EIF3B: variants seen among roughly 807,000 people sequenced by gnomAD.
EIF3B encodes eukaryotic translation initiation factor 3 subunit 9.
A neutral mutation model predicts 104.6 loss-of-function variants in EIF3B; 10 were observed. The observed-to-expected ratio is 0.10, with a 90% CI of 0.06 to 0.16. EIF3B has a LOEUF of 0.16. Among genes scored for constraint, EIF3B ranks in the 10% least tolerant of loss-of-function variants. EIF3B has a pLI of 1.00. For synonymous variants in EIF3B, 542 were observed against 417.2 expected, an observed-to-expected ratio of 1.30 and a Z score of -3.65; for missense variants, 1,014 against 1,087.9, an observed-to-expected ratio of 0.93 and a Z score of 0.96.
intron 11 of EIF3B, chr7:2,372,302 A>G (rs1042413224): frequency 4.2e-6 from 1 of 236,870 alleles, no homozygotes; most frequent in Non-Finnish European, 8.3e-6. Flanking sequence ...AGGTGAGAAA[A>G]TGGGAAACAT....
chr7:2,368,579 C>T (rs112311272), intron 9 of EIF3B, among the ~76,000 whole-genome samples: 2,212 of 152,322 alleles, frequency 0.015, 44 homozygotes, highest in African/African-American at 0.046. Flanking sequence ...AATGAATTTT[C>T]AAGGCCAGAG....
chr7:2,355,524 C>T (rs1779367331), intron 1 of EIF3B, 104 bp downstream of exon 1: 8 of 1,367,990 alleles, frequency 5.8e-6, no homozygotes, highest in Non-Finnish European at 7.6e-6. Flanking sequence ...TGCAGAAGTT[C>T]CAGCGAGGGT....
At position 2,369,661 on chromosome 7, in the gene EIF3B, T is replaced by C. The variant is rs1218866417; in HGVS notation, c.1593T>C (p.Asp531=). The change falls in exon 10 of 19, where the codon GAT becomes GAC. Residue 531 remains aspartate, a synonymous_variant. Coordinates refer to ENST00000360876, the MANE Select transcript of EIF3B (RefSeq NM_001037283.2). The part of the protein sequence containing the change: ...KNGDYLCVKV[D]RTPKGTQGVV... ...GAGACTACTTGTGTGTGAAAGTAGA[T>C]AGGACTCCGAAAGGCACCCAGGTAT... The C allele has an allele frequency of 2.5e-6, 4 of 1,613,758 alleles. No homozygotes were observed. The highest frequency in any genetic ancestry group is 3.3e-5 in the Admixed American group (2 of 59,950).
chr7:2,369,908 C>T (rs1435205700), intron 10 of EIF3B, among the ~76,000 whole-genome samples: 1 of 149,172 alleles, frequency 6.7e-6, no homozygotes, highest in African/African-American at 2.5e-5. Context: ...TCCCAAGTAG[C>T]TGGGACTATA....
At chr7:2,366,221 G>C in intron 6 of EIF3B, 96 bp from the exon 7 acceptor site, 1 of 1,359,446 alleles carries the variant, frequency 7.4e-7, no homozygotes, top group Non-Finnish European at 1.0e-6. Context: ...GAGAGAGCTG[G>C]TTCCGCGAGT....
intron 6 of EIF3B, among the ~76,000 whole-genome samples, 184 bp from the exon 7 acceptor site, chr7:2,366,133 T>C (rs1780014718): frequency 6.6e-6 from 1 of 152,136 alleles, no homozygotes; most frequent in East Asian, 1.9e-4. Context: ...CTGCAGCGTA[T>C]TGACACCAGA....
intron 17 of EIF3B, 33 bp downstream of exon 17, chr7:2,379,275 G>T: frequency 6.3e-7 from 1 of 1,593,384 alleles, no homozygotes. Flanking sequence ...CCCAGGAGCT[G>T]GCCCTTACGC....
At chr7:2,363,844 C>A in intron 5 of EIF3B, 84 bp downstream of exon 5, 1 of 1,471,350 alleles carries the variant, frequency 6.8e-7, no homozygotes, top group Non-Finnish European at 9.1e-7. Flanking sequence ...TATCAGAAAA[C>A]TGGAAGAGCA....
intron 2 of EIF3B, among the ~76,000 whole-genome samples, chr7:2,362,219 C>G (rs1779769120): frequency 1.3e-5 from 2 of 152,180 alleles, no homozygotes; most frequent in Admixed American, 6.5e-5. Flanking sequence ...CTTGGCCTCC[C>G]AAAGTGCTGG....
intron 1 of EIF3B, among the ~76,000 whole-genome samples, chr7:2,356,547 G>A (rs1332638274): frequency 6.7e-6 from 1 of 149,348 alleles, no homozygotes; most frequent in Non-Finnish European, 1.5e-5. Context: ...AGCTTGCAGT[G>A]AGCCGAGATC....
Position 2,379,238 on chromosome 7 carries a change from A to C in EIF3B, c.2337A>C (p.Arg779=), listed in dbSNP as rs777660472. 1.2e-6 allele frequency: 2 copies of C among 1,611,432 alleles called. No individual in the cohort carries two copies. Among genetic ancestry groups the C allele is most frequent in the Admixed American group, 3.4e-5 (2 of 59,698 alleles). Residue 779 remains arginine, a synonymous_variant, in exon 17 of 19, where the codon CGA becomes CGC. Transcript: ENST00000360876. ...AGAAAAACGAGCGCCTGGAGTTGCGAGGAGGTAACTTAGAGATCCCTCAGT... is the reference window on the plus strand; with the variant it reads ...AGAAAAACGAGCGCCTGGAGTTGCGCGGAGGTAACTTAGAGATCCCTCAGT... The part of the protein sequence containing the change: ...MEQKNERLEL[R]GGVDTDELDS...
chr7:2,358,729 A>T (rs1028653214), intron 1 of EIF3B, among the ~76,000 whole-genome samples: 1 of 147,762 alleles, frequency 6.8e-6, no homozygotes, highest in Non-Finnish European at 1.5e-5. Context: ...AGGTTTCACC[A>T]TGTTGGCCAG....
In EIF3B at chr7:2,359,142, TC is replaced by T. The variant is rs1336819504; in HGVS notation, c.500-1567del. Among the ~76,000 whole-genome samples, 4 of 152,200 alleles carry T rather than the reference TC, an allele frequency of 2.6e-5. No individual in the cohort carries two copies. The East Asian group carries it at 5.8e-4, about 22-fold the overall frequency. On this transcript the variant is annotated intron_variant, in intron 1 of 18. Coordinates refer to ENST00000360876, the MANE Select transcript of EIF3B (RefSeq NM_001037283.2). ...CCGGTCTCTGCCCTGATAGTGTTTTTCAAAAAGGCTCTTTGTGATATAATTA... is the reference window on the plus strand; with the variant it reads ...CCGGTCTCTGCCCTGATAGTGTTTTTAAAAAGGCTCTTTGTGATATAATTA...
In EIF3B at chr7:2,362,581, C is replaced by T. The variant is rs1009010642; in HGVS notation, c.693-64C>T. 4.1e-5 allele frequency: 66 copies of T among 1,593,702 alleles called. No homozygotes were observed. In the African/African-American group the frequency reaches 5.5e-4, roughly 13 times the overall value. On this transcript the variant is annotated intron_variant, in intron 2 of 18. Coordinates refer to ENST00000360876, the MANE Select transcript of EIF3B (RefSeq NM_001037283.2). ...GGCTTGTCCGTGGAGAGGGGTGGGG[C>T]GGACAGCGCATACCTGCCTAGCCTT... is the stretch of plus-strand genomic sequence containing the variant.
chr7:2,380,125 C>T, intron 18 of EIF3B, 79 bp from the exon 19 acceptor site: 1 of 319,192 alleles, frequency 3.1e-6, no homozygotes, highest in Non-Finnish European at 6.2e-6. Flanking sequence ...GACTCAACGT[C>T]AGCCCCAAGG....
chr7:2,371,951 A>C, intron 11 of EIF3B, 102 bp downstream of exon 11: 1 of 921,656 alleles, frequency 1.1e-6, no homozygotes, highest in South Asian at 1.4e-5. Flanking sequence ...CAGCTGAGTC[A>C]GGACTGTGAG....
At chr7:2,366,198 T>C (rs1780019205) in intron 6 of EIF3B, 119 bp from the exon 7 acceptor site, 3 of 1,057,770 alleles carry the variant, frequency 2.8e-6, no homozygotes, top group Non-Finnish European at 4.1e-6. Context: ...GGCCGGGCAG[T>C]GTGGGGTTTG....
chr7:2,363,164 G>T, intron 4 of EIF3B, 37 bp downstream of exon 4: 1 of 1,605,598 alleles, frequency 6.2e-7, no homozygotes. Context: ...GTGGTTTAAA[G>T]AAATGCTGCT....
chr7:2,379,422 C>T lies in EIF3B; in HGVS notation c.2370C>T (p.Asn790=), dbSNP rs748790204. 5.0e-6 allele frequency: 8 copies of T among 1,593,596 alleles called. No homozygotes were observed. Among genetic ancestry groups the T allele is most frequent in the East Asian group, 2.3e-5 (1 of 44,222 alleles). Reference sequence around the variant, plus strand: ...TGGACACTGACGAGCTGGACAGCAACGTGGACGACTGGGAAGAGGAGACCA... The same window carrying T: ...TGGACACTGACGAGCTGGACAGCAATGTGGACGACTGGGAAGAGGAGACCA... ...GGVDTDELDS[N]VDDWEEETIE... Residue 790 remains asparagine, a synonymous_variant, in exon 18 of 19, where the codon AAC becomes AAT. Coordinates refer to ENST00000360876, the MANE Select transcript of EIF3B (RefSeq NM_001037283.2).
Sources: gnomAD v4.1 joint callset for allele counts (sites outside exome capture counted in the v4.1 genomes callset) on GRCh38, gnomAD v4.1.1 for gene constraint, MANE v1.5 for transcripts, NCBI Gene and HGNC (gene_info 2026-07-23, HGNC 2026-07-21) for gene names.